The following ESRRG variants were observed in gnomAD, a reference collection of about 807,000 sequenced individuals.
The protein encoded by ESRRG is estrogen related receptor gamma, also known as estrogen-related receptor gamma.
A neutral mutation model predicts 44.0 loss-of-function variants in ESRRG; 13 were observed. The observed-to-expected ratio is 0.30, with a 90% confidence interval of 0.19 to 0.47. ESRRG has a LOEUF of 0.47. Among genes scored for constraint, ESRRG ranks in the 20% least tolerant of loss-of-function variants. The pLI is 1.00. For synonymous variants in ESRRG, 215 were observed against 214.6 expected (o/e 1.00, Z -0.02); for missense variants, 395 against 580.6 (o/e 0.68, Z 3.29).
intron 5 of ESRRG, among the ~76,000 whole-genome samples, chr1:216,561,653 A>G (rs959485485): frequency 6.6e-6 from 1 of 152,142 alleles, no homozygotes; most frequent in Non-Finnish European, 1.5e-5. Flanking sequence ...CTTTGATATC[A>G]GAACACCCTC....
At chr1:216,630,697 C>A (rs753061725) in intron 3 of ESRRG, among the ~76,000 whole-genome samples, 1 of 152,174 alleles carries the variant, frequency 6.6e-6, no homozygotes, top group Non-Finnish European at 1.5e-5. Flanking sequence ...GTCTTTTCAA[C>A]AGCTGATTGG....
intron 2 of ESRRG, among the ~76,000 whole-genome samples, chr1:216,840,325 G>T (rs755290373): frequency 6.6e-6 from 1 of 152,150 alleles, no homozygotes; most frequent in Non-Finnish European, 1.5e-5. Context: ...TTCTTCTGCA[G>T]CTTCCTCACC....
At chr1:216,772,571 C>G (rs946640748) in intron 2 of ESRRG, among the ~76,000 whole-genome samples, 1 of 152,270 alleles carries the variant, frequency 6.6e-6, no homozygotes, top group South Asian at 2.1e-4. Context: ...GCTGTCAAAA[C>G]ATATTCTTTG....
chr1:216,549,586 A>T (rs1210536181), intron 5 of ESRRG, among the ~76,000 whole-genome samples: 1 of 152,012 alleles, frequency 6.6e-6, no homozygotes, highest in Non-Finnish European at 1.5e-5. Flanking sequence ...GAATTATAAC[A>T]TCTTATATCT....
intron 2 of ESRRG, among the ~76,000 whole-genome samples, chr1:216,654,441 T>C (rs894945354): frequency 6.6e-6 from 1 of 151,760 alleles, no homozygotes; most frequent in Admixed American, 6.6e-5. Context: ...ACGAGCCTGA[T>C]CAACATGGTG....
chr1:217,034,295 A>C (rs528698369), intron 1 of ESRRG, among the ~76,000 whole-genome samples: 1 of 152,314 alleles, frequency 6.6e-6, no homozygotes, highest in African/African-American at 2.4e-5. Flanking sequence ...CTTCTACATA[A>C]ATAAAAATGG....
intron 2 of ESRRG, among the ~76,000 whole-genome samples, chr1:216,869,781 A>G (rs562620724): frequency 6.6e-6 from 1 of 152,142 alleles, no homozygotes; most frequent in Non-Finnish European, 1.5e-5. Context: ...TATTAAATGT[A>G]TAACTATATA....
intron 1 of ESRRG, among the ~76,000 whole-genome samples, chr1:217,030,108 CA>C (rs375078703): frequency 6.6e-6 from 1 of 152,262 alleles, no homozygotes; most frequent in Non-Finnish European, 1.5e-5. Flanking sequence ...GGTGCGGAGG[CA>C]GTGCCTACAC....
At chr1:217,062,167 G>T (rs1011610515) in intron 1 of ESRRG, among the ~76,000 whole-genome samples, 1 of 152,130 alleles carries the variant, frequency 6.6e-6, no homozygotes, top group Non-Finnish European at 1.5e-5. Context: ...CACCCCTGGC[G>T]TGTGAATTAA....
chr1:216,805,084 C>T (rs1011171014), intron 2 of ESRRG: 3 of 152,156 alleles, frequency 2.0e-5, no homozygotes, highest in East Asian at 1.9e-4. Flanking sequence ...TTCCACACCA[C>T]GAACATGTGA....
chr1:216,625,475 T>C (rs1270111664), intron 3 of ESRRG, among the ~76,000 whole-genome samples: 3 of 149,466 alleles, frequency 2.0e-5, no homozygotes, highest in Non-Finnish European at 4.4e-5. Flanking sequence ...ATGAAGTTGA[T>C]CCTTATAATA....
intron 2 of ESRRG, among the ~76,000 whole-genome samples, chr1:216,654,557 A>G (rs565414800): frequency 8.6e-5 from 13 of 151,668 alleles, no homozygotes; most frequent in African/African-American, 2.9e-4. Context: ...TGAACCCAGG[A>G]GAAGGAGGCT....
chr1:216,706,931 A>G (rs1024666212), intron 1 of ESRRG, among the ~76,000 whole-genome samples: 5 of 152,228 alleles, frequency 3.3e-5, no homozygotes, highest in Non-Finnish European at 7.3e-5. Context: ...GCAAACAGAG[A>G]ACTGCTTTGA....
chr1:216,807,120 T>G (rs1210714144), intron 2 of ESRRG, among the ~76,000 whole-genome samples: 1 of 152,190 alleles, frequency 6.6e-6, no homozygotes, highest in African/African-American at 2.4e-5. Context: ...CATGGCAGAC[T>G]TACGCCATGG....
At chr1:216,910,848 G>A (rs992361038) in intron 2 of ESRRG, among the ~76,000 whole-genome samples, 23 of 152,248 alleles carry the variant, frequency 1.5e-4, no homozygotes, top group African/African-American at 5.5e-4. Context: ...AAGATGAATT[G>A]CAAAGATCAC....
intron 2 of ESRRG, among the ~76,000 whole-genome samples, chr1:216,867,459 T>C (rs10157291): frequency 0.047 from 7,118 of 152,200 alleles, 376 homozygotes; most frequent in African/African-American, 0.13. Context: ...TGTAAGTAAA[T>C]GAATAGTGAA....
intron 1 of ESRRG, among the ~76,000 whole-genome samples, chr1:217,037,603 A>G (rs1001642389): frequency 2.0e-5 from 3 of 152,102 alleles, no homozygotes; most frequent in Admixed American, 2.0e-4. Context: ...AAGTCACATT[A>G]TTCCACCCCA....
chr1:216,531,009 C>G (rs2049213365), intron 5 of ESRRG, among the ~76,000 whole-genome samples: 2 of 151,888 alleles, frequency 1.3e-5, no homozygotes, highest in Non-Finnish European at 2.9e-5. Context: ...AACATATGCC[C>G]TAGGAGGAGG....
At chr1:217,022,792 C>T (rs1443525197) in intron 1 of ESRRG, among the ~76,000 whole-genome samples, 13 of 151,970 alleles carry the variant, frequency 8.6e-5, no homozygotes, top group Admixed American at 8.5e-4. Context: ...CCATTGTAGG[C>T]ACTCAAGCTG....
Sources: gnomAD v4.1 joint callset for allele counts (sites outside exome capture counted in the v4.1 genomes callset) on GRCh38, gnomAD v4.1.1 for gene constraint, MANE v1.5 for transcripts, NCBI Gene and HGNC (gene_info 2026-07-23, HGNC 2026-07-21) for gene names.